The following VWC2L variants were observed in gnomAD, a reference collection of about 807,000 sequenced individuals.
VWC2L encodes von Willebrand factor C domain containing 2 like, also known as von Willebrand factor C domain-containing protein 2-like.
In VWC2L, 10 loss-of-function variants were observed where a neutral mutation model predicts 21.6. The ratio of observed to expected loss-of-function variants is 0.46; its 90% CI spans 0.29 to 0.78. The LOEUF (loss-of-function observed/expected upper bound fraction) is 0.78. Among genes scored for constraint, VWC2L ranks in the 30% least tolerant of loss-of-function variants. The pLI, the probability that VWC2L is intolerant of heterozygous loss-of-function variation, is 0.10. For synonymous variants in VWC2L, 96 were observed against 94.3 expected, an observed-to-expected ratio of 1.02 and a Z score of -0.10; for missense variants, 209 against 277.1, an observed-to-expected ratio of 0.75 and a Z score of 1.74.
intron 3 of VWC2L, among the ~76,000 whole-genome samples, chr2:214,452,775 T>C (rs1702994891): frequency 2.0e-5 from 3 of 152,148 alleles, no homozygotes; most frequent in African/African-American, 7.2e-5. Context: ...AATTTTAGCT[T>C]TTCTAGTAAA....
intron 3 of VWC2L, among the ~76,000 whole-genome samples, chr2:214,488,498 C>T (rs1276804657): frequency 6.6e-6 from 1 of 152,094 alleles, no homozygotes; most frequent in Non-Finnish European, 1.5e-5. Context: ...ACTTGGGGGG[C>T]TGAGGCAGGA....
chr2:214,544,150 T>C (rs1689669420), intron 3 of VWC2L, among the ~76,000 whole-genome samples: 1 of 152,102 alleles, frequency 6.6e-6, no homozygotes, highest in African/African-American at 2.4e-5. Context: ...GATTCCAAGT[T>C]ATTTGCTCTG....
At chr2:214,449,411 A>T (rs529318950) in intron 3 of VWC2L, among the ~76,000 whole-genome samples, 1 of 152,338 alleles carries the variant, frequency 6.6e-6, no homozygotes, top group East Asian at 1.9e-4. Context: ...AAGACAAGAA[A>T]CAAAGAAAAT....
intron 3 of VWC2L, among the ~76,000 whole-genome samples, chr2:214,478,591 T>C (rs1688559574): frequency 6.6e-6 from 1 of 152,184 alleles, no homozygotes; most frequent in South Asian, 2.1e-4. Context: ...GTCACTGCTT[T>C]TCCTAGAGTT....
chr2:214,505,634 T>C (rs529240222), intron 3 of VWC2L, among the ~76,000 whole-genome samples: 5 of 152,334 alleles, frequency 3.3e-5, no homozygotes, highest in South Asian at 4.1e-4. Context: ...AAGAAATTCA[T>C]TGGCATTGAG....
intron 3 of VWC2L, among the ~76,000 whole-genome samples, chr2:214,478,935 C>A (rs1225334954): frequency 6.6e-6 from 1 of 152,212 alleles, no homozygotes; most frequent in Non-Finnish European, 1.5e-5. Flanking sequence ...AAAGCTCTCA[C>A]TTCTGCCGCC....
At chr2:214,485,340 A>G (rs746266077) in intron 3 of VWC2L, among the ~76,000 whole-genome samples, 4 of 152,112 alleles carry the variant, frequency 2.6e-5, no homozygotes, top group Non-Finnish European at 5.9e-5. Context: ...TATCTTAACT[A>G]CAACTTGTCG....
At chr2:214,483,743 A>G (rs1176292130) in intron 3 of VWC2L, among the ~76,000 whole-genome samples, 3 of 152,130 alleles carry the variant, frequency 2.0e-5, no homozygotes, top group Non-Finnish European at 4.4e-5. Flanking sequence ...ACGTTTGAGA[A>G]TGAGACTCTT....
At chr2:214,412,818 C>T (rs1702298115) in intron 1 of VWC2L, among the ~76,000 whole-genome samples, 1 of 152,012 alleles carries the variant, frequency 6.6e-6, no homozygotes, top group Non-Finnish European at 1.5e-5. Context: ...TTAATATAAT[C>T]TGAAAATAAA....
intron 3 of VWC2L, among the ~76,000 whole-genome samples, chr2:214,517,962 C>T (rs1054200757): frequency 1.2e-4 from 19 of 152,104 alleles, no homozygotes; most frequent in Non-Finnish European, 2.1e-4. Flanking sequence ...GTCAGGAGAT[C>T]GAGACCATCC....
intron 3 of VWC2L, among the ~76,000 whole-genome samples, chr2:214,497,378 A>G (rs1238521179): frequency 1.3e-5 from 2 of 152,164 alleles, no homozygotes. Context: ...AAATGTTTAT[A>G]TTCAAACTAT....
chr2:214,417,225 C>T (rs887527928), intron 2 of VWC2L, among the ~76,000 whole-genome samples: 25 of 152,108 alleles, frequency 1.6e-4, no homozygotes, highest in African/African-American at 5.8e-4. Flanking sequence ...ATTCATCCAA[C>T]AAGCATTTAT....
intron 3 of VWC2L, among the ~76,000 whole-genome samples, chr2:214,489,461 G>C (rs1688716737): frequency 6.6e-6 from 1 of 152,192 alleles, no homozygotes; most frequent in South Asian, 2.1e-4. Context: ...CTGAGGCGTT[G>C]AGTGGTGATG....
At chr2:214,527,288 G>T (rs2105914279) in intron 3 of VWC2L, among the ~76,000 whole-genome samples, 1 of 152,200 alleles carries the variant, frequency 6.6e-6, no homozygotes, top group Admixed American at 6.5e-5. Context: ...AACACTATCA[G>T]TTACTATGCT....
At chr2:214,476,307 T>C (rs764954001) in intron 3 of VWC2L, among the ~76,000 whole-genome samples, 1 of 152,222 alleles carries the variant, frequency 6.6e-6, no homozygotes. Flanking sequence ...CACATTCCAA[T>C]TGATAGTTTA....
At chr2:214,548,851 G>A (rs917438834) in intron 3 of VWC2L, among the ~76,000 whole-genome samples, 5 of 152,056 alleles carry the variant, frequency 3.3e-5, no homozygotes, top group African/African-American at 7.2e-5. Context: ...TTCCTGCTTC[G>A]GCATTATCTA....
intron 3 of VWC2L, among the ~76,000 whole-genome samples, chr2:214,571,216 C>G (rs992047190): frequency 6.6e-6 from 1 of 152,156 alleles, no homozygotes; most frequent in South Asian, 2.1e-4. Flanking sequence ...CAGTAATGCA[C>G]TCCTAGCTAC....
intron 3 of VWC2L, among the ~76,000 whole-genome samples, chr2:214,476,285 A>G (rs1455120470): frequency 6.6e-6 from 1 of 152,242 alleles, no homozygotes; most frequent in African/African-American, 2.4e-5. Flanking sequence ...ATATATTCAT[A>G]ACCAAATCAT....
intron 3 of VWC2L, among the ~76,000 whole-genome samples, chr2:214,538,662 T>C (rs1324695501): frequency 6.8e-6 from 1 of 146,120 alleles, no homozygotes; most frequent in Non-Finnish European, 1.5e-5. Flanking sequence ...ATATAAAATA[T>C]ATAATTTAGT....
Sources: gnomAD v4.1 joint callset for allele counts (sites outside exome capture counted in the v4.1 genomes callset) on GRCh38, gnomAD v4.1.1 for gene constraint, MANE v1.5 for transcripts, NCBI Gene and HGNC (gene_info 2026-07-23, HGNC 2026-07-21) for gene names.